AATF: variants seen among roughly 807,000 people sequenced by gnomAD.
The protein encoded by AATF is protein AATF.
A neutral mutation model predicts 63.7 loss-of-function variants in AATF; 48 were observed. The observed-to-expected ratio is 0.75, with a 90% CI of 0.60 to 0.96. The LOEUF (loss-of-function observed/expected upper bound fraction) is 0.96, where lower values mean the gene tolerates loss of function less well. Ranked by LOEUF, AATF falls within the 40% of genes least tolerant of loss-of-function variation. The pLI is 0.00. For missense variants in AATF, 639 were observed against 685.7 expected (o/e 0.93, Z 0.76); for synonymous variants, 258 against 247.7 (o/e 1.04, Z -0.39).
At chr17:37,040,375 T>C (rs1343461020) in intron 11 of AATF, among the ~76,000 whole-genome samples, 1 of 152,110 alleles carries the variant, frequency 6.6e-6, no homozygotes, top group East Asian at 1.9e-4. Context: ...AATGAAATAA[T>C]ATAGAATAAT....
At chr17:36,997,180 A>T (rs572787282) in intron 8 of AATF, among the ~76,000 whole-genome samples, 1 of 152,298 alleles carries the variant, frequency 6.6e-6, no homozygotes, top group African/African-American at 2.4e-5. Flanking sequence ...TGGAGACATT[A>T]CCTCTTCACT....
rs887772322 is a variant in AATF, at chr17:37,031,626, T to C, written c.1560T>C (p.Leu520=). 1.2e-6 allele frequency: 2 copies of C among 1,614,158 alleles called. No homozygotes were observed. The highest frequency in any genetic ancestry group is 2.2e-5 in the East Asian group (1 of 44,890). ...CTGCTTTATTTAGGTTTCATGTCCT[T>C]AGCAAGCTACTGAGTTTCATGGCAC... ...SKGRKLRFHV[L]SKLLSFMAPI... The change falls in exon 11 of 12, where the codon CTT becomes CTC. Residue 520 remains leucine (L), a synonymous_variant. Coordinates refer to ENST00000619387, the MANE Select transcript of AATF (RefSeq NM_012138.4).
In AATF at chr17:36,953,194, G is replaced by C. The variant is rs769098439; in HGVS notation, c.592G>C (p.Ala198Pro). ...DSQGESEEDR[A>P]GDRNSEDDGV... Reference sequence around the variant, plus strand: ...CCAAGGCGAGAGTGAGGAAGACAGGGCTGGAGATAGAAACAGTGAGGATGA... The same window carrying C: ...CCAAGGCGAGAGTGAGGAAGACAGGCCTGGAGATAGAAACAGTGAGGATGA... The change falls in exon 3 of 12, where the codon GCT becomes CCT. Residue 198 changes from alanine to proline, a missense_variant. Physicochemically the swap from Ala to Pro is conservative, Grantham distance 27. Transcript: ENST00000619387. 3 of 1,614,098 alleles carry C rather than the reference G, an allele frequency of 1.9e-6. No homozygotes were observed. Among genetic ancestry groups the C allele is most frequent in the Admixed American group, 3.3e-5 (2 of 60,008 alleles).
At chr17:36,983,026 T>C (rs2071139146) in intron 4 of AATF, among the ~76,000 whole-genome samples, 1 of 152,156 alleles carries the variant, frequency 6.6e-6, no homozygotes, top group Admixed American at 6.5e-5. Flanking sequence ...TTTTAGTGTT[T>C]CTTTTTTTTT....
At chr17:37,046,770 C>G (rs530768927) in intron 11 of AATF, among the ~76,000 whole-genome samples, 2 of 151,082 alleles carry the variant, frequency 1.3e-5, no homozygotes, top group South Asian at 4.2e-4. Flanking sequence ...CACACACACA[C>G]GCATGCACAC....
At chr17:36,949,351 C>T (rs1194508294) in intron 1 of AATF, 135 bp downstream of exon 1, 3 of 822,102 alleles carry the variant, frequency 3.6e-6, no homozygotes, top group African/African-American at 1.8e-5. Flanking sequence ...ACGTCGCCTC[C>T]CGCGAGGGTG....
chr17:37,046,257 G>A (rs1400987745), intron 11 of AATF, among the ~76,000 whole-genome samples: 8 of 152,094 alleles, frequency 5.3e-5, no homozygotes, highest in African/African-American at 1.4e-4. Context: ...GCAGGGGAGC[G>A]GGGACTCGGG....
intron 4 of AATF, among the ~76,000 whole-genome samples, chr17:36,968,611 G>A (rs1360129490): frequency 2.0e-5 from 3 of 151,310 alleles, no homozygotes; most frequent in African/African-American, 4.9e-5. Context: ...TTATTTTATT[G>A]TTTGGGTTTT....
intron 4 of AATF, among the ~76,000 whole-genome samples, chr17:36,956,144 A>G (rs562926252): frequency 2.0e-5 from 3 of 152,252 alleles, no homozygotes; most frequent in African/African-American, 7.2e-5. Flanking sequence ...GTACTTAACC[A>G]ATTGCCTTTA....
rs979748190 is a variant in AATF at position 36,989,326 on chromosome 17, C to T, written c.1229C>T (p.Thr410Ile). The change falls in exon 7 of 12, where the codon ACA becomes ATA. Residue 410 changes from threonine (T) to isoleucine (I), a missense_variant. Physicochemically the swap from Thr to Ile is moderately conservative, Grantham distance 89. Transcript: ENST00000619387. The part of the protein sequence containing the change: ...LMDKERLLRR[T>I]QTKRSVYRVL... ...GACAAAGAGAGATTACTTCGAAGGA[C>T]ACAGACCAAGCGCTCTGTCTATCGA... The T allele has an allele frequency of 6.2e-7, 1 of 1,613,938 alleles. No homozygotes were observed. Among genetic ancestry groups the T allele is most frequent in the African/African-American group, 1.3e-5 (1 of 74,902 alleles).
At chr17:36,981,378 C>T (rs143695380) in intron 4 of AATF, among the ~76,000 whole-genome samples, 62 of 151,606 alleles carry the variant, frequency 4.1e-4, no homozygotes, top group East Asian at 3.1e-3. Context: ...TTTTTTAGAT[C>T]GTGGACACAT....
chr17:37,022,113 C>CGTGTGTGTGTGT lies in AATF; in HGVS notation c.1547+1127_1547+1138dup, dbSNP rs71159679. ...CTATACTTTTAGACTTGGTAACTGC[C>CGTGTGTGTGTGT]GTGTGTGTGTGTGTGTGTGTGTGTG... On this transcript the variant is annotated intron_variant, in intron 10 of 11. Coordinates refer to ENST00000619387, the MANE Select transcript of AATF (RefSeq NM_012138.4). 1.6e-3 allele frequency among the ~76,000 whole-genome samples: 230 copies of CGTGTGTGTGTGT among 145,428 alleles called. 1 individual carries two copies. Among genetic ancestry groups the CGTGTGTGTGTGT allele is most frequent in the African/African-American group, 5.3e-3 (209 of 39,154 alleles).
At chr17:37,036,659 C>T (rs1472771084) in intron 11 of AATF, among the ~76,000 whole-genome samples, 1 of 151,118 alleles carries the variant, frequency 6.6e-6, no homozygotes, top group Admixed American at 6.6e-5. Context: ...CTGTTGTTAC[C>T]AAATTTCCCT....
At chr17:36,998,597 C>A (rs1468696908) in intron 8 of AATF, 2 of 152,156 alleles carry the variant, frequency 1.3e-5, no homozygotes, top group Non-Finnish European at 2.9e-5. Flanking sequence ...ATTCAGTTAA[C>A]ATTTATTAGT....
intron 10 of AATF, among the ~76,000 whole-genome samples, chr17:37,025,265 G>GA (rs2142293943): frequency 6.6e-6 from 1 of 152,286 alleles, no homozygotes; most frequent in East Asian, 1.9e-4. Context: ...TGAATATGTT[G>GA]AAGTTTGACA....
At chr17:37,040,758 G>A (rs899614695) in intron 11 of AATF, among the ~76,000 whole-genome samples, 5 of 110,402 alleles carry the variant, frequency 4.5e-5, no homozygotes, top group African/African-American at 8.1e-5. Context: ...CCCCCCCCAC[G>A]CTTTCTTTTA....
chr17:37,056,601 GAC>G lies in AATF; in HGVS notation c.1622_1623del (p.Thr541ArgfsTer51). ...CCAGTTTGCTGTGTTTGTCTTTTAG[GAC>G]AGAACTGTACCGCTCTCTTTTTGGC... ...DHTTMNDDAR[T>X]ELYRSLFGQL... On this transcript the variant is annotated frameshift_variant and splice_region_variant, in exon 12 of 12. Coordinates refer to ENST00000619387, the MANE Select transcript of AATF (RefSeq NM_012138.4). LOFTEE classifies it high-confidence loss of function. The G allele has an allele frequency of 6.2e-7, 1 of 1,614,164 alleles. No homozygotes were observed. Among genetic ancestry groups the G allele is most frequent in the South Asian group, 1.1e-5 (1 of 91,080 alleles).
At chr17:36,982,670 T>G (rs1307085169) in intron 4 of AATF, among the ~76,000 whole-genome samples, 1 of 152,158 alleles carries the variant, frequency 6.6e-6, no homozygotes, top group Admixed American at 6.6e-5. Context: ...TTTTGTTGTT[T>G]TTTTTGTTTG....
intron 4 of AATF, among the ~76,000 whole-genome samples, chr17:36,954,139 G>C (rs9896821): frequency 0.25 from 37,929 of 149,810 alleles, 10,728 homozygotes; most frequent in African/African-American, 0.7. Flanking sequence ...GCGATCACAG[G>C]TTACTGCAGC....
Sources: gnomAD v4.1 joint callset for allele counts (sites outside exome capture counted in the v4.1 genomes callset) on GRCh38, gnomAD v4.1.1 for gene constraint, MANE v1.5 for transcripts, NCBI Gene and HGNC (gene_info 2026-07-23, HGNC 2026-07-21) for gene names.